The following PLAA variants were observed in gnomAD, a reference collection of about 807,000 sequenced individuals.
PLAA encodes phospholipase A-2-activating protein.
In PLAA, 48 loss-of-function variants were observed where a neutral mutation model predicts 84.1. The observed-to-expected ratio is 0.57, with a 90% CI of 0.45 to 0.73. The LOEUF (loss-of-function observed/expected upper bound fraction) is 0.73. PLAA is among the 30% of genes least tolerant of loss of function. The pLI, the probability that PLAA is intolerant of heterozygous loss-of-function variation, is 0.00. For synonymous variants in PLAA, 392 were observed against 336.6 expected (o/e 1.16, Z -1.80); for missense variants, 903 against 954.7 (o/e 0.95, Z 0.71).
intron 1 of PLAA, among the ~76,000 whole-genome samples, chr9:26,937,381 A>G (rs1294760465): frequency 6.6e-6 from 1 of 152,196 alleles, no homozygotes; most frequent in Admixed American, 6.5e-5. Context: ...CAACAAAAAG[A>G]TAATACACAA....
intron 11 of PLAA, 32 bp downstream of exon 11, chr9:26,913,847 A>G (rs1824467352): frequency 1.4e-6 from 2 of 1,438,836 alleles, no homozygotes; most frequent in Non-Finnish European, 9.5e-7. Flanking sequence ...TTTAAAATCT[A>G]AAAAAAAGAA....
At chr9:26,942,794 G>A (rs1057289435) in intron 1 of PLAA, among the ~76,000 whole-genome samples, 3 of 149,150 alleles carry the variant, frequency 2.0e-5, no homozygotes, top group Non-Finnish European at 3.0e-5. Flanking sequence ...AGGCAGAATG[G>A]CGTCAACCCG....
intron 9 of PLAA, 133 bp from the exon 10 acceptor site, chr9:26,917,298 C>T: frequency 6.1e-6 from 4 of 654,574 alleles, no homozygotes; most frequent in Non-Finnish European, 1.1e-5. Flanking sequence ...GATAGAATGA[C>T]AGAAACTATA....
intron 10 of PLAA, chr9:26,915,795 G>C: frequency 2.0e-6 from 2 of 985,346 alleles, no homozygotes; most frequent in Non-Finnish European, 2.4e-6. Context: ...GGCCCCAGGA[G>C]TTTTCTTGAT....
At chr9:26,910,811 C>T (rs114980731) in intron 11 of PLAA, among the ~76,000 whole-genome samples, 10,542 of 152,022 alleles carry the variant, frequency 0.069, 511 homozygotes, top group African/African-American at 0.14. Context: ...GTGTGAGCCA[C>T]CGAGCCTGGT....
In PLAA at chr9:26,911,313, C is replaced by T. The variant is rs139090959; in HGVS notation, c.1556-874G>A. 2.6e-3 allele frequency among the ~76,000 whole-genome samples: 391 copies of T among 152,230 alleles called. 2 individuals carry two copies. The highest frequency in any genetic ancestry group is 9.1e-3 in the African/African-American group (378 of 41,556). ...GATTACAGGCATGAGCTACCACGCC[C>T]GGCTAATTTTTGTATTTTTAGTAGA... On this transcript the variant is annotated intron_variant, in intron 11 of 13. Transcript: ENST00000397292.
In PLAA at chr9:26,926,460, C is replaced by A; in HGVS notation, c.666G>T (p.Glu222Asp). ...ASIRRWQITG[E>D]CLEVYYGHTN... ...TATGTCCATAATATACTTCAAGACA[C>A]TCGCCAGTGATTTGCCACCTTCTAA... is the stretch of plus-strand genomic sequence containing the variant. The change falls in exon 5 of 14, where the codon GAG (glutamate) becomes GAT (aspartate). Residue 222 changes from glutamate (E) to aspartate (D), a missense_variant. Coordinates refer to ENST00000397292, the MANE Select transcript of PLAA (RefSeq NM_001031689.3). The A allele has an allele frequency of 6.2e-7, 1 of 1,612,524 alleles. No homozygotes were observed. The highest frequency in any genetic ancestry group is 8.5e-7 in the Non-Finnish European group (1 of 1,178,714).
chr9:26,917,233 C>G, intron 9 of PLAA, 68 bp from the exon 10 acceptor site: 1 of 1,252,942 alleles, frequency 8.0e-7, no homozygotes, highest in Non-Finnish European at 1.2e-6. Flanking sequence ...CAGCACAATG[C>G]TTGTTTTAGA....
At chr9:26,910,261 T>A (rs775992601) in intron 12 of PLAA, 77 bp downstream of exon 12, 2 of 1,009,396 alleles carry the variant, frequency 2.0e-6, no homozygotes, top group Non-Finnish European at 3.1e-6. Context: ...TCCTGACACA[T>A]GTTGGCAAGA....
intron 1 of PLAA, 87 bp downstream of exon 1, chr9:26,946,810 G>C (rs1466119744): frequency 2.1e-6 from 3 of 1,410,326 alleles, no homozygotes; most frequent in Admixed American, 2.4e-5. Flanking sequence ...AGAGAGAGAC[G>C]GCAGGACTGA....
At chr9:26,923,412 A>AATG in intron 6 of PLAA, 65 bp from the exon 7 acceptor site, 2 of 1,109,400 alleles carry the variant, frequency 1.8e-6, no homozygotes, top group Middle Eastern at 2.1e-4. Context: ...ATCACACCTG[A>AATG]ATGATCCATA....
chr9:26,938,165 A>G (rs1397551869), intron 1 of PLAA, among the ~76,000 whole-genome samples: 1 of 152,218 alleles, frequency 6.6e-6, no homozygotes, highest in African/African-American at 2.4e-5. Context: ...GTAACTTATC[A>G]CATACAAGGG....
Position 26,928,160 on chromosome 9 carries a change from C to A in PLAA, c.505G>T (p.Gly169Ter), listed in dbSNP as rs1488123009. Residue 169 changes from glycine (G) to a stop codon, truncating the protein, a stop_gained, in exon 4 of 14, where the codon GGA becomes TGA. Transcript: ENST00000397292. LOFTEE classifies it high-confidence loss of function. The stretch of plus-strand genomic sequence containing the variant: ...AGTTTAACAGTCTTGTCTGCTGATC[C>A]AGTCAACATTAAGCCCTGTTCAGGT... ...ILPEQGLMLT[G>*]SADKTVKLWK... 1 of 1,614,080 alleles carries A rather than the reference C, an allele frequency of 6.2e-7. No individual in the cohort carries two copies. Among genetic ancestry groups the A allele is most frequent in the African/African-American group, 1.3e-5 (1 of 74,934 alleles).
intron 2 of PLAA, among the ~76,000 whole-genome samples, chr9:26,932,804 C>A (rs754080678): frequency 5.9e-5 from 9 of 152,158 alleles, no homozygotes; most frequent in Non-Finnish European, 1.2e-4. Flanking sequence ...ACTTCTCACA[C>A]AAACACACAT....
In PLAA at chr9:26,904,253, G is replaced by A. The variant is rs1824163916; in HGVS notation, c.*1258C>T. 6.6e-6 allele frequency: 1 copy of A among 152,092 alleles called. No homozygotes were observed. The highest frequency in any genetic ancestry group is 2.4e-5 in the African/African-American group (1 of 41,428). 9.4% of individuals were successfully genotyped at this position (152,092 alleles called of 1,614,324 possible). A position where few individuals can be genotyped will look rare whatever the true frequency, so the allele number is the denominator to read the frequency against. ...GGCTATAATTTGGCATTAAGCCAGG[G>A]GATTCATGGTTTTTACACCACGAGT... On this transcript the variant is annotated 3_prime_UTR_variant, in exon 14 of 14. Coordinates refer to ENST00000397292, the MANE Select transcript of PLAA (RefSeq NM_001031689.3).
At position 26,947,060 on chromosome 9, in the gene PLAA, T is replaced by C. The variant is rs375468409; in HGVS notation, c.-15A>G. The C allele has an allele frequency of 2.3e-4, 356 of 1,560,496 alleles. No homozygotes were observed. In the African/African-American group the frequency reaches 3.9e-3, roughly 17 times the overall value. On this transcript the variant is annotated 5_prime_UTR_variant, in exon 1 of 14. Transcript: ENST00000397292. ...CCGCTCGTCATGGCCAGTGTCTGTCTGGCGCCCGGTGCCCAGGCACTGTGC... is the reference window on the plus strand; with the variant it reads ...CCGCTCGTCATGGCCAGTGTCTGTCCGGCGCCCGGTGCCCAGGCACTGTGC...
intron 1 of PLAA, among the ~76,000 whole-genome samples, chr9:26,940,281 C>T (rs1453339375): frequency 6.6e-6 from 1 of 152,102 alleles, no homozygotes; most frequent in Non-Finnish European, 1.5e-5. Flanking sequence ...GATGAATAAA[C>T]AAAATGTGGT....
At chr9:26,909,610 TTAA>T (rs1824336921) in intron 12 of PLAA, among the ~76,000 whole-genome samples, 1 of 151,306 alleles carries the variant, frequency 6.6e-6, no homozygotes. Context: ...CTAAAGCAGA[TTAA>T]TTTCTTTTTT....
chr9:26,945,049 C>A (rs1413147902), intron 1 of PLAA, among the ~76,000 whole-genome samples: 1 of 152,192 alleles, frequency 6.6e-6, no homozygotes, highest in African/African-American at 2.4e-5. Context: ...ATCGCTTGAA[C>A]CCCGGAGGCG....
Sources: gnomAD v4.1 joint callset for allele counts (sites outside exome capture counted in the v4.1 genomes callset) on GRCh38, gnomAD v4.1.1 for gene constraint, MANE v1.5 for transcripts, NCBI Gene and HGNC (gene_info 2026-07-23, HGNC 2026-07-21) for gene names.